Variants in NUP98 observed in about 807,000 individuals in gnomAD.
NUP98 encodes the protein nuclear pore complex protein Nup98-Nup96.
NUP98 carries 26 observed loss-of-function variants against 191.9 expected under a neutral mutation model. The ratio of observed to expected loss-of-function variants is 0.14; its 90% confidence interval spans 0.10 to 0.19. The LOEUF (loss-of-function observed/expected upper bound fraction) is 0.19. Among genes scored for constraint, NUP98 ranks in the 10% least tolerant of loss-of-function variants. The pLI, the probability that NUP98 is intolerant of heterozygous loss-of-function variation, is 1.00. For synonymous variants in NUP98, 808 were observed against 778.4 expected, an observed-to-expected ratio of 1.04 and a Z score of -0.63; for missense variants, 1,941 against 2,178.8, an observed-to-expected ratio of 0.89 and a Z score of 2.17.
At chr11:3,750,645 T>C (rs2080714441) in intron 11 of NUP98, among the ~76,000 whole-genome samples, 1 of 152,036 alleles carries the variant, frequency 6.6e-6, no homozygotes, top group Non-Finnish European at 1.5e-5. Context: ...TTTTTTGTTT[T>C]AGGACAGCGT....
At chr11:3,732,256 T>C (rs776580257) in intron 13 of NUP98, among the ~76,000 whole-genome samples, 16 of 152,096 alleles carry the variant, frequency 1.1e-4, no homozygotes, top group Non-Finnish European at 2.4e-4. Context: ...CCCAAAAAAA[T>C]CCAAAGATGA....
intron 23 of NUP98, 102 bp downstream of exon 23, chr11:3,702,340 CTCTCTCTCTCTCTCTCTCTCT>C: frequency 1.8e-6 from 1 of 562,426 alleles, no homozygotes. Context: ...CTCTCTCTCT[CTCTCTCTCTCTCTCTCTCTCT>C]CTCTCTCTAG....
chr11:3,703,772 T>C (rs2078779310), intron 22 of NUP98, among the ~76,000 whole-genome samples: 1 of 152,140 alleles, frequency 6.6e-6, no homozygotes, highest in Admixed American at 6.5e-5. Flanking sequence ...AAAAACACAC[T>C]AGGTATCTTA....
chr11:3,759,313 T>C (rs185116147), intron 10 of NUP98, among the ~76,000 whole-genome samples: 51 of 152,220 alleles, frequency 3.4e-4, no homozygotes, highest in East Asian at 1.7e-3. Flanking sequence ...ATTGAAAATA[T>C]TGACTGGGTG....
At chr11:3,790,614 GCAA>G (rs969926750) in intron 1 of NUP98, among the ~76,000 whole-genome samples, 11 of 152,108 alleles carry the variant, frequency 7.2e-5, no homozygotes, top group African/African-American at 2.4e-4. Context: ...ATGAATCAAA[GCAA>G]CAACCCCAAA....
At chr11:3,787,128 G>A (rs1335678331) in intron 1 of NUP98, among the ~76,000 whole-genome samples, 1 of 152,152 alleles carries the variant, frequency 6.6e-6, no homozygotes, top group Non-Finnish European at 1.5e-5. Context: ...AGAAAAGAGG[G>A]CTGGGAAACG....
intron 10 of NUP98, among the ~76,000 whole-genome samples, chr11:3,757,525 G>C (rs565836303): frequency 5.3e-5 from 8 of 152,030 alleles, no homozygotes; most frequent in African/African-American, 1.9e-4. Flanking sequence ...AATGCCGAGC[G>C]TGGTGGTTCA....
rs777597534 is a variant in NUP98 at position 3,725,167 on chromosome 11, A to T, written c.1783T>A (p.Ser595Thr). 6.2e-7 allele frequency: 1 copy of T among 1,602,654 alleles called. No individual in the cohort carries two copies. The highest frequency in any genetic ancestry group is 1.1e-5 in the South Asian group (1 of 90,674). Reference protein sequence around the residue: ...LKNLNNSNLFSPVNRDSENLA... With the variant: ...LKNLNNSNLFTPVNRDSENLA... Reference sequence around the variant, plus strand: ...TTTTCTGAATCACGATTAACAGGAGAAAAGAGATTGCTATTATTAAGGTTC... The same window carrying T: ...TTTTCTGAATCACGATTAACAGGAGTAAAGAGATTGCTATTATTAAGGTTC... Residue 595 changes from serine (S) to threonine (T), a missense_variant, in exon 15 of 33, where the codon TCT (serine) becomes ACT (threonine). Physicochemically the swap from Ser to Thr is moderately conservative, Grantham distance 58 (BLOSUM62 1). This residue lies in a region of NUP98 where 453 missense variants were observed against 438.2 expected (regional missense o/e 1.03). Transcript: ENST00000324932.
intron 14 of NUP98, among the ~76,000 whole-genome samples, chr11:3,731,132 C>T (rs2079831534): frequency 6.6e-6 from 1 of 152,074 alleles, no homozygotes; most frequent in African/African-American, 2.4e-5. Flanking sequence ...GGCGTGATGG[C>T]ACACGCCTGT....
At chr11:3,697,964 C>G (rs2078564342) in intron 25 of NUP98, among the ~76,000 whole-genome samples, 1 of 151,660 alleles carries the variant, frequency 6.6e-6, no homozygotes, top group African/African-American at 2.4e-5. Context: ...TACCTCAACC[C>G]AGAAATTCAA....
intron 26 of NUP98, among the ~76,000 whole-genome samples, chr11:3,694,078 A>AC (rs1417560774): frequency 7.3e-6 from 1 of 137,758 alleles, no homozygotes; most frequent in African/African-American, 2.5e-5. Context: ...TAAAAATACA[A>AC]AAAAAAAAAA....
At chr11:3,693,971 C>T (rs916607156) in intron 26 of NUP98, among the ~76,000 whole-genome samples, 4 of 152,056 alleles carry the variant, frequency 2.6e-5, no homozygotes, top group African/African-American at 9.7e-5. Context: ...TGGCTCACAC[C>T]TGTAATCCCA....
At chr11:3,709,483 T>G (rs904960599) in intron 20 of NUP98, among the ~76,000 whole-genome samples, 1 of 151,920 alleles carries the variant, frequency 6.6e-6, no homozygotes, top group African/African-American at 2.4e-5. Context: ...GGCAGGATAC[T>G]CATTCGGCCA....
intron 17 of NUP98, 68 bp from the exon 18 acceptor site, chr11:3,719,618 G>C: frequency 8.7e-7 from 1 of 1,150,554 alleles, no homozygotes; most frequent in Non-Finnish European, 1.2e-6. Flanking sequence ...TACAACTATA[G>C]TGATTAAACA....
chr11:3,771,704 T>C, intron 7 of NUP98, 44 bp downstream of exon 7: 1 of 1,547,624 alleles, frequency 6.5e-7, no homozygotes, highest in South Asian at 1.1e-5. Flanking sequence ...GTTTTAGTTA[T>C]CTGTCTCTCC....
Position 3,676,030 on chromosome 11 carries a change from T to C in NUP98, c.*129A>G, listed in dbSNP as rs1217473351. On this transcript the variant is annotated 3_prime_UTR_variant, in exon 33 of 33. Transcript: ENST00000324932. ...CTGAACAAGTGGAGGATGCTGCTTCTGGCAGCAGGGAGGGAGGGTAGATGC... is the reference window on the plus strand; with the variant it reads ...CTGAACAAGTGGAGGATGCTGCTTCCGGCAGCAGGGAGGGAGGGTAGATGC... 1 of 791,118 alleles carries C rather than the reference T, an allele frequency of 1.3e-6. No individual in the cohort carries two copies. The highest frequency in any genetic ancestry group is 2.1e-6 in the Non-Finnish European group (1 of 487,090). The allele number at this position is 791,118 out of a possible 1,614,324, so 49.0% of individuals were successfully genotyped here.
Position 3,706,613 on chromosome 11 carries a change from C to T in NUP98, c.2757G>A (p.Glu919=), listed in dbSNP as rs754475644. 6 of 1,613,846 alleles carry T rather than the reference C, an allele frequency of 3.7e-6. No homozygotes were observed. The East Asian group carries it at 1.3e-4, about 36-fold the overall frequency. ...PAPPPQSQSP[E]VEQLGRVVEL... ...CCACAACCCTCCCTAACTGCTCCAC[C>T]TCTGGGCTCTGGCTCTGTAGACAGC... Residue 919 remains glutamate (E), a synonymous_variant, in exon 21 of 33, where the codon GAG becomes GAA. Transcript: ENST00000324932.
chr11:3,762,790 T>C, intron 9 of NUP98, 112 bp downstream of exon 9: 1 of 1,070,660 alleles, frequency 9.3e-7, no homozygotes, highest in South Asian at 1.7e-5. Flanking sequence ...ATTAGGCTGG[T>C]GCAATAATAC....
intron 9 of NUP98, among the ~76,000 whole-genome samples, chr11:3,762,617 T>C (rs1393004471): frequency 6.6e-6 from 1 of 152,168 alleles, no homozygotes; most frequent in Non-Finnish European, 1.5e-5. Flanking sequence ...AATTTCAATT[T>C]AGACTCAACA....
Sources: allele counts gnomAD v4.1 joint callset (sites outside exome capture counted in the v4.1 genomes callset), GRCh38; gene constraint gnomAD v4.1.1; regional missense constraint gnomAD v4.1.1; transcripts MANE v1.5; gene names NCBI Gene and HGNC (gene_info 2026-07-23, HGNC 2026-07-21).